The following ATG4B variants were observed in gnomAD, a reference collection of about 807,000 sequenced individuals.
ATG4B encodes the protein cysteine protease ATG4B.
ATG4B carries 29 observed loss-of-function variants against 56.6 expected under a neutral mutation model. That is an observed-to-expected ratio of 0.51 (90% confidence interval 0.38 to 0.70). ATG4B has a LOEUF of 0.70. Among genes scored for constraint, ATG4B ranks in the 30% least tolerant of loss-of-function variants. ATG4B has a pLI of 0.00. For synonymous variants in ATG4B, 224 were observed against 206.1 expected, an observed-to-expected ratio of 1.09 and a Z score of -0.74; for missense variants, 461 against 515.5, an observed-to-expected ratio of 0.89 and a Z score of 1.02.
chr2:241,652,194 G>A (rs2068247237), intron 3 of ATG4B, among the ~76,000 whole-genome samples: 2 of 152,258 alleles, frequency 1.3e-5, no homozygotes, highest in African/African-American at 4.8e-5. Flanking sequence ...ATATTGATAT[G>A]TAATGATATA....
At chr2:241,653,252 C>G in intron 3 of ATG4B, 1 of 1,293,970 alleles carries the variant, frequency 7.7e-7, no homozygotes, top group Non-Finnish European at 1.1e-6. Flanking sequence ...ATATGTTTGT[C>G]AGACATTCCT....
In ATG4B at chr2:241,672,335, G is replaced by T. The variant is rs369376029; in HGVS notation, c.*71G>T. Reference sequence around the variant, plus strand: ...GGTGCCGCTGCGTTTCATCCATCCCGCCCGCTCGCCTGCCGAGGGCTGCGC... The same window carrying T: ...GGTGCCGCTGCGTTTCATCCATCCCTCCCGCTCGCCTGCCGAGGGCTGCGC... On this transcript the variant is annotated 3_prime_UTR_variant, in exon 13 of 13. Coordinates refer to ENST00000404914, the MANE Select transcript of ATG4B (RefSeq NM_013325.5). The T allele has an allele frequency of 7.3e-7, 1 of 1,368,016 alleles. No homozygotes were observed. The highest frequency in any genetic ancestry group is 1.0e-6 in the Non-Finnish European group (1 of 984,534). 84.7% of individuals were successfully genotyped at this position (1,368,016 alleles called of 1,614,324 possible).
Position 241,670,797 on chromosome 2 carries a change from CA to C in ATG4B, c.1014+16del, listed in dbSNP as rs1559275185. ...AAGTCAAAAAGGTTTGTAGCCGCCC[CA>C]CACCCACAGCCGAGCTGAGCCACCC... On this transcript the variant is annotated intron_variant, in intron 11 of 12. Transcript: ENST00000404914. 10 of 1,602,902 alleles carry C rather than the reference CA, an allele frequency of 6.2e-6. No homozygotes were observed. The South Asian group carries it at 1.1e-4, about 18-fold the overall frequency.
At chr2:241,653,419 G>T in intron 3 of ATG4B, 93 bp from the exon 4 acceptor site, 1 of 1,551,366 alleles carries the variant, frequency 6.4e-7, no homozygotes, top group Non-Finnish European at 8.7e-7. Context: ...CGGTGCCTGT[G>T]GTGTGGGACT....
intron 4 of ATG4B, 88 bp from the exon 5 acceptor site, chr2:241,654,458 T>C (rs543539112): frequency 1.2e-6 from 1 of 815,924 alleles, no homozygotes; most frequent in Non-Finnish European, 2.0e-6. Context: ...TGAAAAAGGT[T>C]TGGATGCCAT....
At chr2:241,642,342 T>C (rs2067915951) in intron 1 of ATG4B, among the ~76,000 whole-genome samples, 2 of 152,104 alleles carry the variant, frequency 1.3e-5, no homozygotes, top group African/African-American at 4.8e-5. Context: ...TCTTTCTCTG[T>C]TTTCATTCAG....
chr2:241,655,442 C>A lies in ATG4B; in HGVS notation c.458+99C>A, dbSNP rs370758828. On this transcript the variant is annotated intron_variant, in intron 6 of 12. Transcript: ENST00000404914. ...TTCATGGCTACAGGAAATAAGGGGT[C>A]TCTAATTATTTACTTCATGGCCCTC... is the stretch of plus-strand genomic sequence containing the variant. 66 of 1,232,480 alleles carry A rather than the reference C, an allele frequency of 5.4e-5. 1 individual carries two copies. The highest frequency in any genetic ancestry group is 3.6e-4 in the East Asian group (14 of 39,218). The allele number at this position is 1,232,480 out of a possible 1,614,324, so 76.3% of individuals were successfully genotyped here. A position where few individuals can be genotyped will look rare whatever the true frequency, so the allele number is the denominator to read the frequency against.
intron 1 of ATG4B, among the ~76,000 whole-genome samples, chr2:241,639,659 G>T (rs1191873034): frequency 6.6e-6 from 1 of 152,180 alleles, no homozygotes; most frequent in African/African-American, 2.4e-5. Flanking sequence ...ACTCAAGGGT[G>T]GTCTTCCACC....
At chr2:241,641,767 G>A (rs528464817) in intron 1 of ATG4B, among the ~76,000 whole-genome samples, 2 of 152,302 alleles carry the variant, frequency 1.3e-5, no homozygotes, top group African/African-American at 4.8e-5. Flanking sequence ...ATCAGATGAG[G>A]TCACCCAGGG....
chr2:241,641,625 A>G (rs1234321949), intron 1 of ATG4B, among the ~76,000 whole-genome samples: 1 of 150,866 alleles, frequency 6.6e-6, no homozygotes, highest in Non-Finnish European at 1.5e-5. Flanking sequence ...TTCTGTTGCG[A>G]GTTTGGATTT....
In ATG4B at chr2:241,668,241, C is replaced by T. The variant is rs192640244; in HGVS notation, c.811+20C>T. The T allele has an allele frequency of 2.6e-5, 41 of 1,581,560 alleles. No individual in the cohort carries two copies. The African/African-American group carries it at 3.6e-4, about 14-fold the overall frequency. On this transcript the variant is annotated intron_variant, in intron 9 of 12. Transcript: ENST00000404914. This position sits in a 1 kb window ranked among gnomAD's most constrained non-coding sequence, Gnocchi z 4.2. ...ACGTTGGTGAGTCCAGGGTTCCCAC[C>T]GTGTCCCTGTGGGCCTGGGCCTTTT...
intron 11 of ATG4B, among the ~76,000 whole-genome samples, chr2:241,671,019 A>C (rs866329973): frequency 5.3e-5 from 8 of 152,280 alleles, no homozygotes; most frequent in Middle Eastern, 3.4e-3. Flanking sequence ...TTAGAATGGG[A>C]TTTCCAGTGT....
chr2:241,644,927 T>C (rs1402513741), intron 1 of ATG4B, among the ~76,000 whole-genome samples: 1 of 149,772 alleles, frequency 6.7e-6, no homozygotes, highest in Admixed American at 6.7e-5. Context: ...CCAGCCTGGG[T>C]GACGAGCAAA....
At chr2:241,670,631 T>C in intron 10 of ATG4B, 95 bp from the exon 11 acceptor site, 1 of 1,185,218 alleles carries the variant, frequency 8.4e-7, no homozygotes, top group Non-Finnish European at 1.2e-6. Flanking sequence ...GCTGGGGGCC[T>C]CTGCTGCGCC....
In ATG4B at chr2:241,651,750, C is replaced by T. The variant is rs1453573187; in HGVS notation, c.184+415C>T. 2.0e-6 allele frequency: 1 copy of T among 505,998 alleles called. No homozygotes were observed. The highest frequency in any genetic ancestry group is 3.4e-6 in the Non-Finnish European group (1 of 294,020). The allele number at this position is 505,998 out of a possible 1,614,324, so 31.3% of individuals were successfully genotyped here. Reference sequence around the variant, plus strand: ...GTACAATGTGTTTCTTACTTAGGTCCAGAATGTTTGGAAGCCATTCTCTGT... The same window carrying T: ...GTACAATGTGTTTCTTACTTAGGTCTAGAATGTTTGGAAGCCATTCTCTGT... On this transcript the variant is annotated intron_variant, in intron 3 of 12. Transcript: ENST00000404914. This position sits in a 1 kb window ranked among gnomAD's most constrained non-coding sequence, Gnocchi z 4.1.
intron 1 of ATG4B, among the ~76,000 whole-genome samples, chr2:241,641,229 C>G (rs1029842083): frequency 6.6e-6 from 1 of 152,128 alleles, no homozygotes; most frequent in Admixed American, 6.5e-5. Context: ...AAAGATGGCC[C>G]CATAGTGTAT....
At chr2:241,660,061 G>A (rs1196058554) in intron 7 of ATG4B, among the ~76,000 whole-genome samples, 21 of 152,244 alleles carry the variant, frequency 1.4e-4, no homozygotes, top group African/African-American at 4.8e-4. Flanking sequence ...ATGGTGGCAC[G>A]CGCCTATAGT....
intron 1 of ATG4B, among the ~76,000 whole-genome samples, chr2:241,643,694 T>TCCCCCCC (rs200143016): frequency 4.9e-5 from 6 of 121,930 alleles, no homozygotes; most frequent in South Asian, 2.6e-4. Context: ...GTATATATTT[T>TCCCCCCC]CCCCCCCCCC....
chr2:241,662,250 A>G (rs1028574611), intron 7 of ATG4B, among the ~76,000 whole-genome samples: 1 of 152,210 alleles, frequency 6.6e-6, no homozygotes, highest in African/African-American at 2.4e-5. Context: ...TTCTCTAAAC[A>G]TCCAAATAAT....
Sources: gnomAD v4.1 joint callset for allele counts (sites outside exome capture counted in the v4.1 genomes callset) on GRCh38, gnomAD v4.1.1 for gene constraint, Gnocchi (gnomAD v3.1) non-coding constraint, MANE v1.5 for transcripts, NCBI Gene and HGNC (gene_info 2026-07-23, HGNC 2026-07-21) for gene names.